Variants in CALN1 observed in about 807,000 individuals in gnomAD.
CALN1 encodes calneuron 1.
CALN1 carries 17 observed loss-of-function variants against 30.6 expected under a neutral mutation model. The observed-to-expected ratio is 0.56, with a 90% CI of 0.38 to 0.83. The LOEUF (loss-of-function observed/expected upper bound fraction) is 0.83. Among genes scored for constraint, CALN1 ranks in the 40% least tolerant of loss-of-function variants. The pLI, the probability that CALN1 is intolerant of heterozygous loss-of-function variation, is 0.00. For synonymous variants in CALN1, 156 were observed against 131.4 expected, an observed-to-expected ratio of 1.19 and a Z score of -1.28; for missense variants, 291 against 354.9, an observed-to-expected ratio of 0.82 and a Z score of 1.45.
intron 4 of CALN1, among the ~76,000 whole-genome samples, chr7:72,072,335 G>A (rs1408227590): frequency 6.6e-6 from 1 of 152,116 alleles, no homozygotes; most frequent in Non-Finnish European, 1.5e-5. Flanking sequence ...AAAAACTTTA[G>A]AGGCCAGAAG....
chr7:72,399,112 T>C (rs111332799), intron 2 of CALN1, among the ~76,000 whole-genome samples: 3 of 152,194 alleles, frequency 2.0e-5, no homozygotes, highest in Non-Finnish European at 2.9e-5. Flanking sequence ...TTGAGAAGCA[T>C]GCTGACACCT....
At chr7:72,087,227 A>T (rs1805540305) in intron 4 of CALN1, among the ~76,000 whole-genome samples, 2 of 152,304 alleles carry the variant, frequency 1.3e-5, no homozygotes, top group East Asian at 1.9e-4. Flanking sequence ...GAAAAATAAG[A>T]AGTACCTCTC....
At chr7:72,231,288 G>A (rs1005510784) in intron 3 of CALN1, among the ~76,000 whole-genome samples, 1 of 152,016 alleles carries the variant, frequency 6.6e-6, no homozygotes, top group African/African-American at 2.4e-5. Context: ...CTCCCCCAAC[G>A]CCCCTGTCCA....
At chr7:71,991,049 G>C (rs1239162817) in intron 5 of CALN1, among the ~76,000 whole-genome samples, 1 of 113,484 alleles carries the variant, frequency 8.8e-6, no homozygotes, top group Non-Finnish European at 1.7e-5. Context: ...GAAACAGTGA[G>C]GGGGGGGGTC....
At chr7:72,396,836 T>C (rs1041283851) in intron 2 of CALN1, among the ~76,000 whole-genome samples, 1 of 152,014 alleles carries the variant, frequency 6.6e-6, no homozygotes. Flanking sequence ...TTCGTTGAGG[T>C]TGAAGGTTAG....
At chr7:72,028,626 T>G (rs1801243692) in intron 4 of CALN1, among the ~76,000 whole-genome samples, 1 of 152,212 alleles carries the variant, frequency 6.6e-6, no homozygotes, top group South Asian at 2.1e-4. Flanking sequence ...TCTAGTCATT[T>G]AGGAGAGGAC....
intron 3 of CALN1, among the ~76,000 whole-genome samples, chr7:72,179,508 A>G (rs186170706): frequency 8.7e-4 from 132 of 152,306 alleles, no homozygotes; most frequent in Admixed American, 3.8e-3. Context: ...CTCATTATAC[A>G]TTGGTAGACT....
At chr7:72,196,793 G>C (rs770474012) in intron 3 of CALN1, among the ~76,000 whole-genome samples, 5 of 152,048 alleles carry the variant, frequency 3.3e-5, no homozygotes, top group Admixed American at 6.6e-5. Flanking sequence ...ATCCTCATGA[G>C]TTAGATATTT....
chr7:72,304,627 T>A (rs1463974770), intron 2 of CALN1, among the ~76,000 whole-genome samples: 1 of 152,192 alleles, frequency 6.6e-6, no homozygotes, highest in Non-Finnish European at 1.5e-5. Flanking sequence ...TTTACGTCTA[T>A]CTACTTATAT....
the CALN1 span, among the ~76,000 whole-genome samples, chr7:72,495,775 G>C: frequency 2.6e-5 from 4 of 152,214 alleles, no homozygotes; most frequent in Non-Finnish European, 5.9e-5. Context: ...CTGATGGATA[G>C]AAAGCCACAG....
chr7:72,220,192 T>G, intron 3 of CALN1, among the ~76,000 whole-genome samples: 1 of 72,014 alleles, frequency 1.4e-5, no homozygotes, highest in African/African-American at 5.7e-5. Context: ...CCCTCCCCCC[T>G]CCCCCCACCC....
chr7:72,416,712 G>A (rs1327769018), upstream of CALN1, among the ~76,000 whole-genome samples: 5 of 145,986 alleles, frequency 3.4e-5, no homozygotes, highest in African/African-American at 1.3e-4. Flanking sequence ...TCCAGCCTGG[G>A]CGGCAAAGTG....
intron 4 of CALN1, among the ~76,000 whole-genome samples, chr7:72,061,673 G>GT (rs1399991807): frequency 6.6e-6 from 1 of 151,460 alleles, no homozygotes; most frequent in Non-Finnish European, 1.5e-5. Flanking sequence ...TACTATCAGA[G>GT]GCATAAAAGG....
chr7:72,352,183 CA>C (rs934266593), intron 2 of CALN1, among the ~76,000 whole-genome samples: 1 of 147,836 alleles, frequency 6.8e-6, no homozygotes, highest in Non-Finnish European at 1.5e-5. Flanking sequence ...AACAAACAAA[CA>C]AAAAAAACCA....
intron 4 of CALN1, among the ~76,000 whole-genome samples, chr7:72,052,559 G>A (rs1238350577): frequency 6.6e-6 from 1 of 152,158 alleles, no homozygotes; most frequent in Non-Finnish European, 1.5e-5. Context: ...CTAAAGAGAG[G>A]GGGCTTCCTC....
chr7:72,199,114 A>C (rs776600192), intron 3 of CALN1, among the ~76,000 whole-genome samples: 59 of 152,150 alleles, frequency 3.9e-4, no homozygotes, highest in Non-Finnish European at 6.0e-4. Context: ...ATCTCTACTA[A>C]AAATACAAAA....
intron 3 of CALN1, among the ~76,000 whole-genome samples, chr7:72,142,406 G>A (rs934357666): frequency 2.6e-5 from 4 of 152,164 alleles, no homozygotes; most frequent in Admixed American, 1.3e-4. Context: ...GAACTACAAC[G>A]CGGCAGCGAG....
intron 5 of CALN1, among the ~76,000 whole-genome samples, chr7:71,905,737 G>A (rs933460331): frequency 1.3e-5 from 2 of 151,964 alleles, no homozygotes; most frequent in Non-Finnish European, 2.9e-5. Context: ...CCTCTAAAGT[G>A]AAAAATGCAT....
At chr7:72,200,524 C>T (rs1480284912) in intron 3 of CALN1, among the ~76,000 whole-genome samples, 2 of 152,104 alleles carry the variant, frequency 1.3e-5, no homozygotes, top group African/African-American at 2.4e-5. Context: ...TGTGGATGAA[C>T]AAACTGAGAC....
Sources: gnomAD v4.1 joint callset for allele counts (sites outside exome capture counted in the v4.1 genomes callset) on GRCh38, gnomAD v4.1.1 for gene constraint, MANE v1.5 for transcripts, NCBI Gene and HGNC (gene_info 2026-07-23, HGNC 2026-07-21) for gene names.